Variants in MICU1 observed in about 807,000 individuals in gnomAD.
MICU1 encodes calcium uptake protein 1, mitochondrial.
A neutral mutation model predicts 56.8 loss-of-function variants in MICU1; 45 were observed. The ratio of observed to expected loss-of-function variants is 0.79; its 90% CI spans 0.62 to 1.02. MICU1 has a LOEUF of 1.02. Ranked by LOEUF, MICU1 falls within the 50% of genes least tolerant of loss-of-function variation. MICU1 has a pLI of 0.00. For synonymous variants in MICU1, 186 were observed against 195.1 expected (o/e 0.95, Z 0.39); for missense variants, 504 against 587.1 (o/e 0.86, Z 1.46).
At position 72,553,273 on chromosome 10, in the gene MICU1, G is replaced by A. The variant is rs182153341; in HGVS notation, c.331-1932C>T. Among the ~76,000 whole-genome samples, 895 of 136,194 alleles carry A rather than the reference G, an allele frequency of 6.6e-3. 30 individuals are homozygous for A. Among genetic ancestry groups the A allele is most frequent in the East Asian group, 0.015 (71 of 4,682 alleles). The allele number at this position is 136,194 out of a possible 152,430, so 89.3% of individuals were successfully genotyped here. A position where few individuals can be genotyped will look rare whatever the true frequency, so the allele number is the denominator to read the frequency against. On this transcript the variant is annotated intron_variant, in intron 3 of 11. Coordinates refer to ENST00000361114, the MANE Select transcript of MICU1 (RefSeq NM_001195518.2). Reference sequence around the variant, plus strand: ...TTTTGAGACAGAGTCTCGCTCTGTTGCCCAGGCTGGAGTGCACTGGCACAA... The same window carrying A: ...TTTTGAGACAGAGTCTCGCTCTGTTACCCAGGCTGGAGTGCACTGGCACAA...
chr10:72,526,138 A>G (rs1471312731), intron 5 of MICU1, among the ~76,000 whole-genome samples: 3 of 152,164 alleles, frequency 2.0e-5, no homozygotes, highest in Admixed American at 2.0e-4. Context: ...TTGAAAGAGG[A>G]GCTAAAACTG....
chr10:72,478,894 C>T (rs1017591287), intron 6 of MICU1, among the ~76,000 whole-genome samples: 16 of 152,228 alleles, frequency 1.1e-4, no homozygotes, highest in Admixed American at 2.6e-4. Flanking sequence ...CTTGGCCTCT[C>T]AAAGTCCTGG....
intron 2 of MICU1, among the ~76,000 whole-genome samples, chr10:72,565,495 G>T (rs1245129843): frequency 8.3e-6 from 1 of 121,056 alleles, no homozygotes; most frequent in Non-Finnish European, 1.7e-5. Flanking sequence ...GTTGTGGGGT[G>T]GGGGGAGGGG....
At chr10:72,533,078 G>A (rs1451754520) in intron 5 of MICU1, 56 of 1,289,494 alleles carry the variant, frequency 4.3e-5, no homozygotes, top group Non-Finnish European at 5.5e-5. Flanking sequence ...TCTTCTTTCT[G>A]AAGTGCTTTC....
chr10:72,533,883 G>A lies in MICU1; in HGVS notation c.494-94C>T, dbSNP rs1048898156. 3 of 840,230 alleles carry A rather than the reference G, an allele frequency of 3.6e-6. No individual in the cohort carries two copies. The South Asian group carries it at 5.5e-5, about 15-fold the overall frequency. 52.0% of individuals were successfully genotyped at this position (840,230 alleles called of 1,614,324 possible). On this transcript the variant is annotated intron_variant, in intron 4 of 11. Coordinates refer to ENST00000361114, the MANE Select transcript of MICU1 (RefSeq NM_001195518.2). ...TCTTGGTTTTGTTTCCAGTCATTCA[G>A]TTAAAAGTACAAAACATTTATTCAA... is the stretch of plus-strand genomic sequence containing the variant.
At chr10:72,618,648 C>T (rs1209670315) in intron 1 of MICU1, among the ~76,000 whole-genome samples, 1 of 151,970 alleles carries the variant, frequency 6.6e-6, no homozygotes, top group African/African-American at 2.4e-5. Context: ...ATAGAAAAAG[C>T]ACAAGAAACT....
At chr10:72,614,108 A>C (rs1841921813) in intron 1 of MICU1, among the ~76,000 whole-genome samples, 5 of 152,118 alleles carry the variant, frequency 3.3e-5, no homozygotes. Flanking sequence ...ACACCATTGC[A>C]CTCCAGCCTG....
chr10:72,393,891 G>A (rs1472614745), intron 10 of MICU1, among the ~76,000 whole-genome samples: 1 of 152,110 alleles, frequency 6.6e-6, no homozygotes, highest in East Asian at 1.9e-4. Flanking sequence ...TCAGCCTCCT[G>A]AGTAGCTGAG....
At chr10:72,539,908 C>T (rs7917643) in intron 4 of MICU1, among the ~76,000 whole-genome samples, 95,258 of 152,082 alleles carry the variant, frequency 0.63, 31,352 homozygotes, top group African/African-American at 0.72. Flanking sequence ...AATTTGGCAA[C>T]GTCTACCAAA....
chr10:72,527,545 T>A (rs1868001148), intron 5 of MICU1, among the ~76,000 whole-genome samples: 1 of 152,080 alleles, frequency 6.6e-6, no homozygotes, highest in Admixed American at 6.6e-5. Context: ...GTATTTTTTG[T>A]AGAGAAGGGC....
intron 1 of MICU1, among the ~76,000 whole-genome samples, chr10:72,618,856 A>AT (rs1398856137): frequency 6.6e-6 from 1 of 152,150 alleles, no homozygotes; most frequent in African/African-American, 2.4e-5. Flanking sequence ...GAGAAACTGA[A>AT]TTTTTTGTTT....
chr10:72,520,425 A>G (rs1867782748), intron 5 of MICU1, among the ~76,000 whole-genome samples: 1 of 152,174 alleles, frequency 6.6e-6, no homozygotes, highest in Admixed American at 6.5e-5. Context: ...GATAACAATG[A>G]AATCAAAATG....
intron 1 of MICU1, among the ~76,000 whole-genome samples, chr10:72,610,651 A>T (rs1357997838): frequency 6.6e-6 from 1 of 152,204 alleles, no homozygotes; most frequent in African/African-American, 2.4e-5. Context: ...AGAGGAATAC[A>T]ACTATTACCA....
intron 8 of MICU1, among the ~76,000 whole-genome samples, chr10:72,452,990 A>G (rs1475306487): frequency 1.3e-5 from 2 of 152,188 alleles, no homozygotes; most frequent in Non-Finnish European, 2.9e-5. Flanking sequence ...TGTGTGTCCC[A>G]TTATGCCAGT....
chr10:72,416,208 A>C (rs1863978273), intron 9 of MICU1, among the ~76,000 whole-genome samples: 1 of 152,148 alleles, frequency 6.6e-6, no homozygotes, highest in South Asian at 2.1e-4. Flanking sequence ...AAAAACAGGA[A>C]AATAATAGAG....
intron 8 of MICU1, among the ~76,000 whole-genome samples, chr10:72,460,905 T>G (rs899702303): frequency 6.6e-6 from 1 of 152,172 alleles, no homozygotes; most frequent in Non-Finnish European, 1.5e-5. Context: ...TCATTCTTTA[T>G]TTTAAAATGT....
intron 5 of MICU1, among the ~76,000 whole-genome samples, chr10:72,519,716 G>A (rs779433383): frequency 2.6e-5 from 4 of 152,142 alleles, no homozygotes; most frequent in Non-Finnish European, 4.4e-5. Flanking sequence ...TCAAAATAGG[G>A]TTGGTAATTT....
In MICU1 at chr10:72,502,376, G is replaced by A. The variant is rs139742694; in HGVS notation, c.652+5779C>T. Among the ~76,000 whole-genome samples the A allele has an allele frequency of 4.1e-3, 626 of 152,040 alleles. 5 individuals are homozygous for A. The highest frequency in any genetic ancestry group is 0.014 in the African/African-American group (581 of 41,444). The stretch of plus-strand genomic sequence containing the variant: ...TCGCCATGTTGGCCAGGCTGGTCTC[G>A]AACTCCTGACCTCAAGTTATCCACC... On this transcript the variant is annotated intron_variant, in intron 6 of 11. Coordinates refer to ENST00000361114, the MANE Select transcript of MICU1 (RefSeq NM_001195518.2).
At chr10:72,561,561 CAGCACT>C (rs1217197971) in intron 3 of MICU1, among the ~76,000 whole-genome samples, 1 of 152,198 alleles carries the variant, frequency 6.6e-6, no homozygotes, top group Non-Finnish European at 1.5e-5. Context: ...CCTATAAACC[CAGCACT>C]TTGGCAGGCC....
Sources: gnomAD v4.1 joint callset for allele counts (sites outside exome capture counted in the v4.1 genomes callset) on GRCh38, gnomAD v4.1.1 for gene constraint, MANE v1.5 for transcripts, NCBI Gene and HGNC (gene_info 2026-07-23, HGNC 2026-07-21) for gene names.